Variants in SLC36A1 observed in about 807,000 individuals in gnomAD.
The protein encoded by SLC36A1 is proton-coupled amino acid transporter 1.
In SLC36A1, 30 loss-of-function variants were observed where a neutral mutation model predicts 47.5. The observed-to-expected ratio is 0.63, with a 90% CI of 0.47 to 0.86. The LOEUF (loss-of-function observed/expected upper bound fraction) is 0.86, where lower values mean the gene tolerates loss of function less well. Ranked by LOEUF, SLC36A1 falls within the 40% of genes least tolerant of loss-of-function variation. The probability of loss-of-function intolerance (pLI) is 0.00; values close to 1 mark genes in which losing one functional copy is unlikely to be tolerated. For missense variants in SLC36A1, 517 were observed against 606.0 expected, an observed-to-expected ratio of 0.85 and a Z score of 1.54; for synonymous variants, 255 against 249.7, an observed-to-expected ratio of 1.02 and a Z score of -0.20.
chr5:151,433,246 A>ATTTTTTTTTTTTTTTT, upstream of SLC36A1, among the ~76,000 whole-genome samples: 1 of 10,676 alleles, frequency 9.4e-5, no homozygotes, highest in South Asian at 3.2e-3. Context: ...ATATATATAT[A>ATTTTTTTTTTTTTTTT]TATATATATA....
At chr5:151,553,318 A>G in the SLC36A1 span, 2,602 of 1,614,260 alleles carry the variant, frequency 1.6e-3, 30 homozygotes, top group African/African-American at 0.03. Flanking sequence ...GGCCGGGGCC[A>G]AGGGATCCAC....
At chr5:151,517,600 T>C in the SLC36A1 span, 1 of 1,613,458 alleles carries the variant, frequency 6.2e-7, no homozygotes, top group Non-Finnish European at 8.5e-7. Flanking sequence ...ATGAAATCTC[T>C]CAGGCTGGCA....
the SLC36A1 span, among the ~76,000 whole-genome samples, chr5:151,506,573 A>T: frequency 6.6e-6 from 1 of 152,222 alleles, no homozygotes; most frequent in African/African-American, 2.4e-5. Context: ...TGCCTCTGCT[A>T]CTGAATAGTT....
the SLC36A1 span, chr5:151,527,098 C>T: frequency 4.8e-6 from 4 of 842,082 alleles, no homozygotes; most frequent in Non-Finnish European, 7.5e-6. Flanking sequence ...CTCCAGCAGT[C>T]TGTGTTGCCT....
chr5:151,552,930 G>C, the SLC36A1 span, among the ~76,000 whole-genome samples: 1 of 152,232 alleles, frequency 6.6e-6, no homozygotes, highest in Non-Finnish European at 1.5e-5. Flanking sequence ...GGTAACTGAG[G>C]CACTGCCAAC....
At chr5:151,425,653 A>G in the SLC36A1 span, among the ~76,000 whole-genome samples, 1 of 152,136 alleles carries the variant, frequency 6.6e-6, no homozygotes, top group Admixed American at 6.6e-5. Flanking sequence ...TGAAACAAAA[A>G]TAAAACCCAT....
chr5:151,382,236 A>C, the SLC36A1 span: 1 of 1,318,864 alleles, frequency 7.6e-7, no homozygotes, highest in East Asian at 2.3e-5. Context: ...CGGGTCACTC[A>C]TCGAGACTCA....
the SLC36A1 span, chr5:151,504,416 T>G: frequency 3.9e-5 from 6 of 152,704 alleles, no homozygotes; most frequent in African/African-American, 9.6e-5. Flanking sequence ...TCTACACATG[T>G]GTACACACGT....
At chr5:151,475,881 C>T (rs1757980479) in intron 8 of SLC36A1, among the ~76,000 whole-genome samples, 2 of 152,218 alleles carry the variant, frequency 1.3e-5, no homozygotes, top group Non-Finnish European at 2.9e-5. Context: ...TGAAGATCCT[C>T]ACAGTCACAC....
At chr5:151,469,388 G>A in intron 7 of SLC36A1, 1 of 598,388 alleles carries the variant, frequency 1.7e-6, no homozygotes, top group Non-Finnish European at 3.0e-6. Flanking sequence ...GCCTTAGTGA[G>A]CCTTCCAGGT....
rs1753045090 is a variant in SLC36A1, at chr5:151,447,822, C to G, written c.-6+9C>G. On this transcript the variant is annotated intron_variant, in intron 1 of 10. Transcript: ENST00000243389. Reference sequence around the variant, plus strand: ...CGTGGCAGATGCTCCAGGTCAGGCACTGGATCCGCCCGGGCTGTGGGTCCG... The same window carrying G: ...CGTGGCAGATGCTCCAGGTCAGGCAGTGGATCCGCCCGGGCTGTGGGTCCG... 1 of 152,338 alleles carries G rather than the reference C, an allele frequency of 6.6e-6. No homozygotes were observed. Among genetic ancestry groups the G allele is most frequent in the Non-Finnish European group, 1.5e-5 (1 of 68,098 alleles). 9.4% of individuals were successfully genotyped at this position (152,338 alleles called of 1,614,324 possible).
chr5:151,390,198 G>T, the SLC36A1 span, among the ~76,000 whole-genome samples: 1 of 152,168 alleles, frequency 6.6e-6, no homozygotes, highest in African/African-American at 2.4e-5. Context: ...GTTGGCTGCA[G>T]AAACTCCTTC....
chr5:151,385,825 C>T, the SLC36A1 span, among the ~76,000 whole-genome samples: 1 of 151,872 alleles, frequency 6.6e-6, no homozygotes, highest in South Asian at 2.1e-4. Flanking sequence ...GGTCATTGTT[C>T]AGGTTCTAAT....
At chr5:151,546,392 A>G in the SLC36A1 span, 1 of 1,368,762 alleles carries the variant, frequency 7.3e-7, no homozygotes, top group African/African-American at 1.4e-5. Flanking sequence ...GGTATCAGCT[A>G]GGCTTTCTAG....
chr5:151,544,548 G>C, the SLC36A1 span: 1 of 1,614,016 alleles, frequency 6.2e-7, no homozygotes, highest in Non-Finnish European at 8.5e-7. Context: ...TCCGGGCCTG[G>C]GTGTGGAGAA....
At position 151,458,923 on chromosome 5, in the gene SLC36A1, G is replaced by A. The variant is rs746909017; in HGVS notation, c.131G>A (p.Ser44Asn). 4.7e-5 allele frequency: 76 copies of A among 1,611,294 alleles called. No homozygotes were observed. In the South Asian group the frequency reaches 7.4e-4, roughly 16 times the overall value. ...GGCTCCTACCAGCGCTTTGGTCAAA[G>A]CAATAGCACAACGTGAGTAGCTGTT... ...SPGSYQRFGQ[S>N]NSTTWFQTLI... The change falls in exon 2 of 11, where the codon AGC becomes AAC. Residue 44 changes from serine (S) to asparagine (N), a missense_variant. By Grantham distance (46) the Ser-to-Asn change is conservative. Coordinates refer to ENST00000243389, the MANE Select transcript of SLC36A1 (RefSeq NM_078483.4).
the SLC36A1 span, among the ~76,000 whole-genome samples, chr5:151,551,129 G>A: frequency 6.6e-6 from 1 of 152,196 alleles, no homozygotes; most frequent in African/African-American, 2.4e-5. Flanking sequence ...AAATCCAAAT[G>A]TAAGAAACAG....
chr5:151,463,583 AG>A lies in SLC36A1; in HGVS notation c.176del (p.Gly59AlafsTer14). The part of the protein sequence containing the change: ...WFQTLIHLLK[G>X]NIGTGLLGLP... ...TCCAGACCTTGATCCACCTGTTAAA[AG>A]GCAACATTGGCACAGGACTCCTGGG... On this transcript the variant is annotated frameshift_variant, in exon 3 of 11. Coordinates refer to ENST00000243389, the MANE Select transcript of SLC36A1 (RefSeq NM_078483.4). LOFTEE classifies it high-confidence loss of function. The A allele has an allele frequency of 6.2e-7, 1 of 1,614,216 alleles. No homozygotes were observed. The highest frequency in any genetic ancestry group is 8.5e-7 in the Non-Finnish European group (1 of 1,180,024).
At chr5:151,506,728 G>T in the SLC36A1 span, among the ~76,000 whole-genome samples, 2 of 152,228 alleles carry the variant, frequency 1.3e-5, no homozygotes, top group Non-Finnish European at 2.9e-5. Flanking sequence ...CCAAAGATGA[G>T]AAGAAGGTGA....
Sources: gnomAD v4.1 joint callset for allele counts (sites outside exome capture counted in the v4.1 genomes callset) on GRCh38, gnomAD v4.1.1 for gene constraint, MANE v1.5 for transcripts, NCBI Gene and HGNC (gene_info 2026-07-23, HGNC 2026-07-21) for gene names.